Variants in PAK5 observed in about 807,000 individuals in gnomAD.
PAK5 encodes the protein p21 (RAC1) activated kinase 5.
In PAK5, 16 loss-of-function variants were observed where a neutral mutation model predicts 65.9. The observed-to-expected ratio is 0.24, with a 90% CI of 0.16 to 0.37. PAK5 has a LOEUF of 0.37. Ranked by LOEUF, PAK5 falls within the 10% of genes least tolerant of loss-of-function variation. PAK5 has a pLI of 1.00. For synonymous variants in PAK5, 371 were observed against 354.9 expected, an observed-to-expected ratio of 1.05 and a Z score of -0.51; for missense variants, 785 against 903.9, an observed-to-expected ratio of 0.87 and a Z score of 1.69.
At chr20:9,670,990 A>G (rs1323380254) in intron 2 of PAK5, among the ~76,000 whole-genome samples, 1 of 152,182 alleles carries the variant, frequency 6.6e-6, no homozygotes, top group African/African-American at 2.4e-5. Context: ...CTTTCTACAT[A>G]TGGCTAGCCA....
At chr20:9,617,208 T>C (rs1413954749) in intron 3 of PAK5, among the ~76,000 whole-genome samples, 1 of 152,228 alleles carries the variant, frequency 6.6e-6, no homozygotes, top group Non-Finnish European at 1.5e-5. Flanking sequence ...ATACATCTGA[T>C]GTGTGAGCTG....
At chr20:9,611,557 A>G (rs1399580030) in intron 3 of PAK5, among the ~76,000 whole-genome samples, 1 of 152,174 alleles carries the variant, frequency 6.6e-6, no homozygotes, top group Admixed American at 6.5e-5. Context: ...TTAAGATGCC[A>G]TATAAGCCCC....
rs145891884 is a variant in PAK5, at chr20:9,798,965, C to T, written c.-162+39797G>A. Among the ~76,000 whole-genome samples, 23 of 152,058 alleles carry T rather than the reference C, an allele frequency of 1.5e-4. No homozygotes were observed. The East Asian group carries it at 3.5e-3, about 23-fold the overall frequency. On this transcript the variant is annotated intron_variant, in intron 1 of 9. Transcript: ENST00000353224. The stretch of plus-strand genomic sequence containing the variant: ...TCAGGTGATTCTGATGGATCTTAAA[C>T]GTTTGAGAATCATAAATCTAGGGAG...
chr20:9,837,226 T>C (rs1349782554), intron 1 of PAK5, among the ~76,000 whole-genome samples: 1 of 152,248 alleles, frequency 6.6e-6, no homozygotes, highest in Admixed American at 6.5e-5. Context: ...TGCATCTGCC[T>C]TGCACATATG....
At chr20:9,568,327 G>T (rs1048515933) in intron 4 of PAK5, among the ~76,000 whole-genome samples, 3 of 152,160 alleles carry the variant, frequency 2.0e-5, no homozygotes, top group Admixed American at 6.5e-5. Flanking sequence ...TCTAGGGCAG[G>T]ATTTGAAGAT....
chr20:9,628,504 A>C (rs2046878109), intron 3 of PAK5, among the ~76,000 whole-genome samples: 1 of 152,226 alleles, frequency 6.6e-6, no homozygotes, highest in Non-Finnish European at 1.5e-5. Context: ...TTTTGTTCTC[A>C]AAGCTTTCAT....
At chr20:9,546,990 T>G (rs1318070290) in intron 7 of PAK5, among the ~76,000 whole-genome samples, 1 of 152,222 alleles carries the variant, frequency 6.6e-6, no homozygotes, top group East Asian at 1.9e-4. Flanking sequence ...GTGCAGAATG[T>G]GATCTTATTT....
intron 3 of PAK5, among the ~76,000 whole-genome samples, chr20:9,597,909 G>C (rs1390257702): frequency 6.6e-6 from 1 of 152,194 alleles, no homozygotes; most frequent in African/African-American, 2.4e-5. Context: ...TCAAGCACAG[G>C]CCAAACTGCC....
At chr20:9,704,294 T>C (rs943703654) in intron 2 of PAK5, among the ~76,000 whole-genome samples, 7 of 152,176 alleles carry the variant, frequency 4.6e-5, no homozygotes, top group African/African-American at 1.7e-4. Flanking sequence ...AGAGCATGCC[T>C]TAAGTTGGCA....
intron 1 of PAK5, among the ~76,000 whole-genome samples, chr20:9,755,775 C>T (rs1449426657): frequency 6.6e-6 from 1 of 152,162 alleles, no homozygotes; most frequent in Non-Finnish European, 1.5e-5. Context: ...ATGAAATGCA[C>T]CAAAAAGTGA....
chr20:9,775,851 G>T (rs1314131608), intron 1 of PAK5, among the ~76,000 whole-genome samples: 2 of 152,166 alleles, frequency 1.3e-5, no homozygotes, highest in Non-Finnish European at 2.9e-5. Flanking sequence ...GGACATATTA[G>T]AATTCTCTTG....
At chr20:9,622,736 G>C (rs2046788160) in intron 3 of PAK5, among the ~76,000 whole-genome samples, 1 of 152,166 alleles carries the variant, frequency 6.6e-6, no homozygotes, top group Non-Finnish European at 1.5e-5. Flanking sequence ...TGCTCCTTAT[G>C]AGAATCTAAT....
chr20:9,608,869 C>T (rs1334320390), intron 3 of PAK5, among the ~76,000 whole-genome samples: 35 of 152,202 alleles, frequency 2.3e-4, no homozygotes, highest in Non-Finnish European at 8.8e-5. Context: ...GCTGCTGCTC[C>T]TTCATCTATC....
At chr20:9,819,318 C>T (rs1008180355) in intron 1 of PAK5, among the ~76,000 whole-genome samples, 1 of 152,088 alleles carries the variant, frequency 6.6e-6, no homozygotes, top group Admixed American at 6.5e-5. Context: ...AGTACAATGG[C>T]AAAATAGGAC....
intron 2 of PAK5, among the ~76,000 whole-genome samples, chr20:9,646,127 G>A (rs967990680): frequency 1.3e-5 from 2 of 152,216 alleles, no homozygotes; most frequent in Non-Finnish European, 2.9e-5. Context: ...AGCATGTGCG[G>A]TTGGAGCTCC....
intron 1 of PAK5, among the ~76,000 whole-genome samples, chr20:9,787,579 A>C (rs1281177434): frequency 1.3e-5 from 2 of 151,892 alleles, no homozygotes; most frequent in Non-Finnish European, 2.9e-5. Context: ...CATCTATAAA[A>C]TAGAAAAACT....
intron 7 of PAK5, among the ~76,000 whole-genome samples, chr20:9,550,347 C>G (rs1004657444): frequency 6.6e-6 from 1 of 152,148 alleles, no homozygotes; most frequent in Non-Finnish European, 1.5e-5. Context: ...AATCTTGCTA[C>G]CTGGTCACCA....
chr20:9,720,292 AG>A (rs1429210697), intron 1 of PAK5, among the ~76,000 whole-genome samples: 1 of 152,202 alleles, frequency 6.6e-6, no homozygotes, highest in Non-Finnish European at 1.5e-5. Context: ...AGTCTTTAAC[AG>A]TCAATAAATC....
intron 4 of PAK5, chr20:9,577,523 T>C (rs1481499011): frequency 6.6e-6 from 1 of 152,136 alleles, no homozygotes; most frequent in Non-Finnish European, 1.5e-5. Context: ...TTTAGGAGTC[T>C]CTGCAAGCAA....
Sources: gnomAD v4.1 joint callset for allele counts (sites outside exome capture counted in the v4.1 genomes callset) on GRCh38, gnomAD v4.1.1 for gene constraint, MANE v1.5 for transcripts, NCBI Gene and HGNC (gene_info 2026-07-23, HGNC 2026-07-21) for gene names.